COL27A1: variants seen among roughly 807,000 people sequenced by gnomAD.
COL27A1 encodes collagen alpha-1(XXVII) chain.
COL27A1 carries 106 observed loss-of-function variants against 251.3 expected under a neutral mutation model. The observed-to-expected ratio is 0.42, with a 90% CI of 0.36 to 0.50. The LOEUF (loss-of-function observed/expected upper bound fraction) is 0.50. Among genes scored for constraint, COL27A1 ranks in the 20% least tolerant of loss-of-function variants. COL27A1 has a pLI of 0.00. For synonymous variants in COL27A1, 1,000 were observed against 986.3 expected (o/e 1.01, Z -0.26); for missense variants, 2,325 against 2,522.8 (o/e 0.92, Z 1.68).
rs777918705 is a variant in COL27A1, at chr9:114,283,776, A to C, written c.3933+14A>C. On this transcript the variant is annotated intron_variant, in intron 40 of 60. Coordinates refer to ENST00000356083, the MANE Select transcript of COL27A1 (RefSeq NM_032888.4). ...GCTGGTTATGATGTAAGCAGATATCACCTCACCCCACCCCCCGACTCTGTC... is the reference window on the plus strand; with the variant it reads ...GCTGGTTATGATGTAAGCAGATATCCCCTCACCCCACCCCCCGACTCTGTC... 7.4e-6 allele frequency: 12 copies of C among 1,613,144 alleles called. No individual in the cohort carries two copies. Among genetic ancestry groups the C allele is most frequent in the South Asian group, 1.1e-5 (1 of 91,038 alleles).
At chr9:114,205,911 A>C in intron 9 of COL27A1, 99 bp downstream of exon 9, 2 of 1,102,158 alleles carry the variant, frequency 1.8e-6, no homozygotes, top group South Asian at 3.0e-5. Context: ...GGGGCCAAGG[A>C]GCTGCACCTG....
intron 16 of COL27A1, among the ~76,000 whole-genome samples, chr9:114,232,803 T>A (rs1243745443): frequency 1.3e-5 from 2 of 152,224 alleles, no homozygotes; most frequent in Non-Finnish European, 2.9e-5. Context: ...CCGGGCACAG[T>A]GGCTCATGCC....
Position 114,240,603 on chromosome 9 carries a change from C to A in COL27A1, c.2835+116C>A. The stretch of plus-strand genomic sequence containing the variant: ...GCTGGAGCCCCCTCAGCCAGGACAC[C>A]ACCCAGGGCTTCCCCAGACTTACCC... On this transcript the variant is annotated intron_variant, in intron 21 of 60. Transcript: ENST00000356083. 5 of 943,496 alleles carry A rather than the reference C, an allele frequency of 5.3e-6. No individual in the cohort carries two copies. The East Asian group carries it at 1.0e-4, about 19-fold the overall frequency. 58.4% of individuals were successfully genotyped at this position (943,496 alleles called of 1,614,324 possible). A position where few individuals can be genotyped will look rare whatever the true frequency, so the allele number is the denominator to read the frequency against.
At chr9:114,174,406 G>A (rs1849541191) in intron 3 of COL27A1, among the ~76,000 whole-genome samples, 1 of 152,174 alleles carries the variant, frequency 6.6e-6, no homozygotes, top group Non-Finnish European at 1.5e-5. Flanking sequence ...AAAACCTTGA[G>A]CAGGGGTCTC....
At chr9:114,175,569 C>T (rs1827368134) in intron 3 of COL27A1, among the ~76,000 whole-genome samples, 1 of 152,182 alleles carries the variant, frequency 6.6e-6, no homozygotes, top group South Asian at 2.1e-4. Context: ...GCTGGGGCCG[C>T]CCCGTCAAGG....
Position 114,290,415 on chromosome 9 carries a change from G to A in COL27A1, c.4368+84G>A. 1 of 1,265,998 alleles carries A rather than the reference G, an allele frequency of 7.9e-7. No individual in the cohort carries two copies. The highest frequency in any genetic ancestry group is 1.1e-6 in the Non-Finnish European group (1 of 890,872). 78.4% of individuals were successfully genotyped at this position (1,265,998 alleles called of 1,614,324 possible). A position where few individuals can be genotyped will look rare whatever the true frequency, so the allele number is the denominator to read the frequency against. On this transcript the variant is annotated intron_variant, in intron 47 of 60. Transcript: ENST00000356083. This position sits in a 1 kb window ranked among gnomAD's most constrained non-coding sequence, Gnocchi z 4.6. ...CTTCCCCAGGCCATGGGCCAGAGGA[G>A]CCCGTTTGGAAACTTGGATGGGCAG...
chr9:114,269,203 C>T (rs373986254), intron 34 of COL27A1, 38 bp from the exon 35 acceptor site: 1 of 1,532,434 alleles, frequency 6.5e-7, no homozygotes, highest in East Asian at 2.4e-5. Flanking sequence ...GGGGCTGGCC[C>T]TACCCACCCG....
At chr9:114,187,103 C>T (rs962915476) in intron 5 of COL27A1, among the ~76,000 whole-genome samples, 1 of 152,238 alleles carries the variant, frequency 6.6e-6, no homozygotes, top group South Asian at 2.1e-4. Context: ...CAGCAGAGGG[C>T]AGGCTCCATG....
In COL27A1 at chr9:114,306,761, C is replaced by A; in HGVS notation, c.5107+73C>A. The A allele has an allele frequency of 5.8e-6, 9 of 1,543,954 alleles. No homozygotes were observed. In the South Asian group the frequency reaches 1.1e-4, roughly 18 times the overall value. ...TGGGGCAGGTGGAGTATTTGATTTC[C>A]GCCGCATTTTGGCTGAGTTTTTGTC... On this transcript the variant is annotated intron_variant, in intron 58 of 60. Transcript: ENST00000356083.
At chr9:114,230,105 G>A (rs1448603718) in intron 14 of COL27A1, among the ~76,000 whole-genome samples, 1 of 152,190 alleles carries the variant, frequency 6.6e-6, no homozygotes, top group African/African-American at 2.4e-5. Context: ...ACCGAGGCAT[G>A]GAGACATCAA....
chr9:114,231,030 T>C, intron 14 of COL27A1, 49 bp from the exon 15 acceptor site: 1 of 1,562,416 alleles, frequency 6.4e-7, no homozygotes. Context: ...CAGGCCAGCC[T>C]CCTGTGGGCC....
intron 56 of COL27A1, among the ~76,000 whole-genome samples, chr9:114,303,240 TTC>T (rs1828791394): frequency 1.4e-5 from 2 of 145,448 alleles, no homozygotes; most frequent in Non-Finnish European, 3.1e-5. Context: ...TTTTTTTCTT[TTC>T]TTTTTTTTTT....
At chr9:114,246,824 G>A (rs758066034) in intron 24 of COL27A1, among the ~76,000 whole-genome samples, 3 of 152,046 alleles carry the variant, frequency 2.0e-5, no homozygotes, top group Non-Finnish European at 2.9e-5. Context: ...TGGGAAGCCC[G>A]GGAGTTTGGA....
chr9:114,229,256 A>G (rs533212103), intron 14 of COL27A1, among the ~76,000 whole-genome samples: 41 of 152,378 alleles, frequency 2.7e-4, no homozygotes, highest in African/African-American at 9.1e-4. Flanking sequence ...GGCCAAGGCC[A>G]GACTCCAGTT....
At chr9:114,295,098 T>G (rs1329960880) in intron 49 of COL27A1, among the ~76,000 whole-genome samples, 1 of 152,246 alleles carries the variant, frequency 6.6e-6, no homozygotes, top group Non-Finnish European at 1.5e-5. Context: ...GAATTGCATT[T>G]CTATACACTA....
At position 114,167,886 on chromosome 9, in the gene COL27A1, C is replaced by G. The variant is rs781648277; in HGVS notation, c.331C>G (p.His111Asp). ...GAGCCTCTGCTCCCACCGGGTGAAC[C>G]ATGCCTTCCTCTTCGCTGTCCGCAG... is the stretch of plus-strand genomic sequence containing the variant. ...VLSLCSHRVN[H>D]AFLFAVRSQK... The change falls in exon 3 of 61, where the codon CAT becomes GAT. Residue 111 changes from histidine (H) to aspartate (D), a missense_variant. Coordinates refer to ENST00000356083, the MANE Select transcript of COL27A1 (RefSeq NM_032888.4). 23 of 1,613,202 alleles carry G rather than the reference C, an allele frequency of 1.4e-5. No homozygotes were observed. Among genetic ancestry groups the G allele is most frequent in the South Asian group, 4.4e-5 (4 of 91,070 alleles).
intron 50 of COL27A1, 58 bp from the exon 51 acceptor site, chr9:114,300,566 TG>T: frequency 7.1e-7 from 1 of 1,404,144 alleles, no homozygotes; most frequent in Non-Finnish European, 9.6e-7. Context: ...GAGGGAGCTG[TG>T]GGGGCCCTTT....
chr9:114,203,971 T>G (rs552359331), intron 7 of COL27A1, among the ~76,000 whole-genome samples: 1 of 152,116 alleles, frequency 6.6e-6, no homozygotes, highest in East Asian at 1.9e-4. Flanking sequence ...CTCATCTGAC[T>G]GTTGGAAGGA....
At chr9:114,239,626 A>C (rs1023410275) in intron 19 of COL27A1, among the ~76,000 whole-genome samples, 3 of 152,196 alleles carry the variant, frequency 2.0e-5, no homozygotes, top group Non-Finnish European at 4.4e-5. Flanking sequence ...ATGTGGGAAG[A>C]ACCTTCTATT....
Sources: gnomAD v4.1 joint callset for allele counts (sites outside exome capture counted in the v4.1 genomes callset) on GRCh38, gnomAD v4.1.1 for gene constraint, Gnocchi (gnomAD v3.1) non-coding constraint, MANE v1.5 for transcripts, NCBI Gene and HGNC (gene_info 2026-07-23, HGNC 2026-07-21) for gene names.